Variants in KCNJ6 observed in about 807,000 individuals in gnomAD.
KCNJ6 encodes potassium inwardly rectifying channel subfamily J member 6.
KCNJ6 carries 9 observed loss-of-function variants against 34.2 expected under a neutral mutation model. That is an observed-to-expected ratio of 0.26 (90% CI 0.16 to 0.46). The LOEUF (loss-of-function observed/expected upper bound fraction) is 0.46. KCNJ6 is among the 20% of genes least tolerant of loss of function. The pLI is 1.00. For synonymous variants in KCNJ6, 196 were observed against 207.1 expected, an observed-to-expected ratio of 0.95 and a Z score of 0.46; for missense variants, 236 against 531.3, an observed-to-expected ratio of 0.44 and a Z score of 5.46.
chr21:37,687,941 T>C (rs1224078238), intron 3 of KCNJ6, among the ~76,000 whole-genome samples: 1 of 152,216 alleles, frequency 6.6e-6, no homozygotes, highest in Non-Finnish European at 1.5e-5. Context: ...TTCTTTGTTC[T>C]ACCAATAGCA....
At chr21:37,807,397 G>A (rs543261534) in intron 2 of KCNJ6, among the ~76,000 whole-genome samples, 91 of 152,282 alleles carry the variant, frequency 6.0e-4, no homozygotes, top group Admixed American at 1.4e-3. Context: ...TAAAAGTCAC[G>A]TATTTCCTGA....
At chr21:37,847,697 AG>A (rs1238646278) in intron 1 of KCNJ6, among the ~76,000 whole-genome samples, 8 of 151,622 alleles carry the variant, frequency 5.3e-5, no homozygotes, top group African/African-American at 1.9e-4. Flanking sequence ...AGGGTTCTAC[AG>A]GACATCGATA....
At chr21:37,820,239 A>G (rs1011767082) in intron 2 of KCNJ6, among the ~76,000 whole-genome samples, 3 of 152,194 alleles carry the variant, frequency 2.0e-5, no homozygotes, top group African/African-American at 7.2e-5. Context: ...TTAACTTTGA[A>G]GCGCTGACCC....
In KCNJ6 at chr21:37,611,443, C is replaced by T. The variant is rs770826429; in HGVS notation, c.*13716G>A. 31 of 152,168 alleles carry T rather than the reference C, an allele frequency of 2.0e-4. No homozygotes were observed. The highest frequency in any genetic ancestry group is 4.3e-4 in the Non-Finnish European group (29 of 68,014). The allele number at this position is 152,168 out of a possible 1,614,324, so 9.4% of individuals were successfully genotyped here. ...AGGAAGAAATGATACTGATTATCTA[C>T]AATCTCTTTCAAAAGCTAGAAGCAG... is the stretch of plus-strand genomic sequence containing the variant. On this transcript the variant is annotated 3_prime_UTR_variant, in exon 4 of 4. Transcript: ENST00000609713.
At chr21:37,874,763 T>G (rs2055669475) in intron 1 of KCNJ6, among the ~76,000 whole-genome samples, 1 of 152,162 alleles carries the variant, frequency 6.6e-6, no homozygotes, top group African/African-American at 2.4e-5. Context: ...AGTCACTATG[T>G]CTGTCCCTTT....
At chr21:37,783,160 C>T (rs1025803180) in intron 2 of KCNJ6, among the ~76,000 whole-genome samples, 2 of 152,176 alleles carry the variant, frequency 1.3e-5, no homozygotes, top group African/African-American at 4.8e-5. Context: ...CCTGACTTCA[C>T]CCAGCGATGC....
intron 1 of KCNJ6, among the ~76,000 whole-genome samples, chr21:37,875,360 G>A (rs2055672732): frequency 6.6e-6 from 1 of 152,144 alleles, no homozygotes; most frequent in Non-Finnish European, 1.5e-5. Context: ...CCTTTCCTAT[G>A]AATTCAAAAT....
chr21:37,880,830 G>A (rs556271867), intron 1 of KCNJ6, among the ~76,000 whole-genome samples: 2,455 of 152,294 alleles, frequency 0.016, 65 homozygotes, highest in African/African-American at 0.055. Flanking sequence ...GACAACTCAC[G>A]AATCTCATCC....
At chr21:37,857,934 A>G (rs1356219275) in intron 1 of KCNJ6, among the ~76,000 whole-genome samples, 1 of 152,234 alleles carries the variant, frequency 6.6e-6, no homozygotes. Flanking sequence ...AATCAAGGAC[A>G]CAGAGTGTAA....
At chr21:37,625,854 G>A (rs2123361955) in intron 3 of KCNJ6, among the ~76,000 whole-genome samples, 1 of 152,352 alleles carries the variant, frequency 6.6e-6, no homozygotes, top group African/African-American at 2.4e-5. Context: ...GCCTCCTACT[G>A]CTCTTGGAGG....
At chr21:37,804,519 C>T (rs1297035131) in intron 2 of KCNJ6, among the ~76,000 whole-genome samples, 1 of 152,106 alleles carries the variant, frequency 6.6e-6, no homozygotes, top group Non-Finnish European at 1.5e-5. Flanking sequence ...TATTTCATCA[C>T]TCAGGTATTA....
chr21:37,765,656 C>T (rs1328503425), intron 2 of KCNJ6, among the ~76,000 whole-genome samples: 1 of 152,178 alleles, frequency 6.6e-6, no homozygotes, highest in African/African-American at 2.4e-5. Flanking sequence ...AAGTTCATAC[C>T]TGTTACATTG....
intron 2 of KCNJ6, among the ~76,000 whole-genome samples, chr21:37,807,424 G>A (rs2123538057): frequency 6.6e-6 from 1 of 152,342 alleles, no homozygotes; most frequent in East Asian, 1.9e-4. Flanking sequence ...AAGATGGTGA[G>A]AGATTCAATG....
chr21:37,873,270 C>T (rs1272470259), intron 1 of KCNJ6, among the ~76,000 whole-genome samples: 2 of 152,192 alleles, frequency 1.3e-5, no homozygotes, highest in African/African-American at 4.8e-5. Flanking sequence ...TCATTGATTC[C>T]AGCTTACCAC....
chr21:37,866,142 G>C (rs2055621684), intron 1 of KCNJ6, among the ~76,000 whole-genome samples: 1 of 152,118 alleles, frequency 6.6e-6, no homozygotes. Flanking sequence ...CTGGCTTGAA[G>C]CTTCCCTGAG....
intron 3 of KCNJ6, among the ~76,000 whole-genome samples, chr21:37,652,826 A>G (rs987270063): frequency 6.6e-6 from 1 of 152,122 alleles, no homozygotes; most frequent in Non-Finnish European, 1.5e-5. Context: ...AAAAGGATGG[A>G]CTCAGATGTG....
chr21:37,710,350 T>G (rs950251238), intron 3 of KCNJ6, among the ~76,000 whole-genome samples: 14 of 152,220 alleles, frequency 9.2e-5, no homozygotes, highest in Admixed American at 2.6e-4. Flanking sequence ...GAGGATGATG[T>G]GATTCTGGTG....
intron 2 of KCNJ6, among the ~76,000 whole-genome samples, chr21:37,762,599 T>C (rs1210611233): frequency 3.9e-5 from 6 of 152,196 alleles, no homozygotes; most frequent in African/African-American, 1.2e-4. Flanking sequence ...AGGTCAACTC[T>C]TGTATGTTAC....
At chr21:37,646,712 C>T (rs2054406156) in intron 3 of KCNJ6, among the ~76,000 whole-genome samples, 1 of 151,592 alleles carries the variant, frequency 6.6e-6, no homozygotes, top group African/African-American at 2.4e-5. Context: ...GCTCTGTCGC[C>T]CAGGCTGGAG....
Sources: allele counts gnomAD v4.1 joint callset (sites outside exome capture counted in the v4.1 genomes callset), GRCh38; gene constraint gnomAD v4.1.1; transcripts MANE v1.5; gene names NCBI Gene and HGNC (gene_info 2026-07-23, HGNC 2026-07-21).